Variants in SLC17A7 observed in about 807,000 individuals in gnomAD.
SLC17A7 encodes vesicular glutamate transporter 1.
A neutral mutation model predicts 59.1 loss-of-function variants in SLC17A7; 15 were observed. The ratio of observed to expected loss-of-function variants is 0.25; its 90% CI spans 0.17 to 0.39. SLC17A7 has a LOEUF of 0.39. Among genes scored for constraint, SLC17A7 ranks in the 10% least tolerant of loss-of-function variants. SLC17A7 has a pLI of 1.00. For synonymous variants in SLC17A7, 353 were observed against 308.9 expected (o/e 1.14, Z -1.50); for missense variants, 499 against 765.1 (o/e 0.65, Z 4.10).
At position 49,432,643 on chromosome 19, in the gene SLC17A7, C is replaced by A. The variant is rs372417324; in HGVS notation, c.1026G>T (p.Leu342=). ...TGACCAGGTGGGGCAGCGCGGACAC[C>A]AGGCCTACCTGCGGGAACAGGTGTA... is the stretch of plus-strand genomic sequence containing the variant. The part of the protein sequence containing the change: ...VFGFEISKVG[L]VSALPHLVMT... Residue 342 remains leucine, a synonymous_variant, in exon 9 of 12, where the codon CTG becomes CTT. Coordinates refer to ENST00000221485, the MANE Select transcript of SLC17A7 (RefSeq NM_020309.4). The A allele has an allele frequency of 6.2e-7, 1 of 1,607,204 alleles. No homozygotes were observed. The highest frequency in any genetic ancestry group is 8.5e-7 in the Non-Finnish European group (1 of 1,178,540).
At position 49,431,296 on chromosome 19, in the gene SLC17A7, A is replaced by G. The variant is rs1247919835; in HGVS notation, c.1261+42T>C. On this transcript the variant is annotated intron_variant, in intron 10 of 11. Coordinates refer to ENST00000221485, the MANE Select transcript of SLC17A7 (RefSeq NM_020309.4). The surrounding 1 kb of genome is among the most constrained non-coding windows in gnomAD (Gnocchi z 4.6). ...TCCTGAGCCAGGAAGTTCCCTACAG[A>G]GCTGACCAGAGTCCCCCAAGCTGCG... is the stretch of plus-strand genomic sequence containing the variant. 6.2e-7 allele frequency: 1 copy of G among 1,607,044 alleles called. No individual in the cohort carries two copies. Among genetic ancestry groups the G allele is most frequent in the Admixed American group, 1.7e-5 (1 of 59,720 alleles).
At position 49,429,817 on chromosome 19, in the gene SLC17A7, C is replaced by T; in HGVS notation, c.*702G>A. ...TGAAAACCATGTCAGAAAAAGTGCA[C>T]GGGGGTAGAGAGGCATATTGTTAAA... On this transcript the variant is annotated 3_prime_UTR_variant, in exon 12 of 12. Coordinates refer to ENST00000221485, the MANE Select transcript of SLC17A7 (RefSeq NM_020309.4). 1 of 374,708 alleles carries T rather than the reference C, an allele frequency of 2.7e-6. No homozygotes were observed. The highest frequency in any genetic ancestry group is 4.7e-6 in the Non-Finnish European group (1 of 211,112). 23.2% of individuals were successfully genotyped at this position (374,708 alleles called of 1,614,324 possible). A position where few individuals can be genotyped will look rare whatever the true frequency, so the allele number is the denominator to read the frequency against.
At chr19:49,437,539 C>A (rs2078984280) in intron 1 of SLC17A7, 1 of 153,198 alleles carries the variant, frequency 6.5e-6, no homozygotes, top group Non-Finnish European at 1.4e-5. Flanking sequence ...GAGGTGCCTT[C>A]AGACAGGTGG....
intron 1 of SLC17A7, among the ~76,000 whole-genome samples, chr19:49,439,813 G>C (rs962837751): frequency 1.3e-5 from 2 of 152,204 alleles, no homozygotes; most frequent in African/African-American, 4.8e-5. Flanking sequence ...GAGAGCCAGA[G>C]AGATTGACTG....
In SLC17A7 at chr19:49,429,480, C is replaced by G. The variant is rs1452092599; in HGVS notation, c.*1039G>C. On this transcript the variant is annotated 3_prime_UTR_variant, in exon 12 of 12. Transcript: ENST00000221485. ...AGAGACAGAGACACAAAGACACAAC[C>G]CTGCACTGGGAAAAAACACCCCTGG... The G allele has an allele frequency of 2.5e-6, 1 of 399,064 alleles. No individual in the cohort carries two copies. The highest frequency in any genetic ancestry group is 4.4e-6 in the Non-Finnish European group (1 of 226,106). The allele number at this position is 399,064 out of a possible 1,614,324, so 24.7% of individuals were successfully genotyped here. A position where few individuals can be genotyped will look rare whatever the true frequency, so the allele number is the denominator to read the frequency against.
At position 49,441,496 on chromosome 19, in the gene SLC17A7, C is replaced by A; in HGVS notation, c.-117G>T. ...TCCAGCCCCGGCCCGGCCGGCCCCG[C>A]AGCTCCGCTCGGGGGGAAGGAGGCT... is the stretch of plus-strand genomic sequence containing the variant. On this transcript the variant is annotated 5_prime_UTR_variant, in exon 1 of 12. Transcript: ENST00000221485. 9.3e-7 allele frequency: 1 copy of A among 1,072,542 alleles called. No homozygotes were observed. The highest frequency in any genetic ancestry group is 1.1e-6 in the Non-Finnish European group (1 of 888,930). 66.4% of individuals were successfully genotyped at this position (1,072,542 alleles called of 1,614,324 possible).
rs1362138458 is a variant in SLC17A7, at chr19:49,430,576, C to T, written c.1626G>A (p.Gly542=). ...GGGGCTGAAATGTGCTGTGTGTGGC[C>T]CCATAGGAGGGCGGGGGTGCAGGGG... ...GAPPAPPPSY[G]ATHSTFQPPR... The change falls in exon 12 of 12, where the codon GGG becomes GGA. Residue 542 remains glycine, a synonymous_variant. Transcript: ENST00000221485. The T allele has an allele frequency of 3.7e-6, 6 of 1,610,638 alleles. No individual in the cohort carries two copies. The highest frequency in any genetic ancestry group is 1.6e-4 in the Middle Eastern group (1 of 6,070).
At chr19:49,434,229 T>C (rs1568634763) in intron 5 of SLC17A7, among the ~76,000 whole-genome samples, 183 bp from the exon 6 acceptor site, 4 of 124,854 alleles carry the variant, frequency 3.2e-5, no homozygotes, top group Admixed American at 1.6e-4. Flanking sequence ...CCCCAGCTCC[T>C]CCTCCCCCAG....
intron 3 of SLC17A7, 142 bp from the exon 4 acceptor site, chr19:49,435,024 G>A: frequency 3.0e-6 from 3 of 1,003,654 alleles, no homozygotes; most frequent in South Asian, 1.4e-5. Context: ...TTCCTCAATC[G>A]CAAGCCCCAC....
intron 1 of SLC17A7, among the ~76,000 whole-genome samples, chr19:49,439,669 T>G (rs1179784253): frequency 6.6e-6 from 1 of 152,210 alleles, no homozygotes; most frequent in Non-Finnish European, 1.5e-5. Flanking sequence ...ATATGGGGTA[T>G]TCCCCTCTCC....
In SLC17A7 at chr19:49,436,875, G is replaced by C; in HGVS notation, c.63-74C>G. On this transcript the variant is annotated intron_variant, in intron 1 of 11. Transcript: ENST00000221485. The surrounding 1 kb of genome is among the most constrained non-coding windows in gnomAD (Gnocchi z 4.1). The stretch of plus-strand genomic sequence containing the variant: ...CCTCACCCCCAAGACCAGGATCCAG[G>C]GCAAAACCTGCTTTTCAACATCCAG... The C allele has an allele frequency of 6.7e-7, 1 of 1,500,206 alleles. No homozygotes were observed. Among genetic ancestry groups the C allele is most frequent in the Non-Finnish European group, 8.8e-7 (1 of 1,136,410 alleles). 92.9% of individuals were successfully genotyped at this position (1,500,206 alleles called of 1,614,324 possible). A position where few individuals can be genotyped will look rare whatever the true frequency, so the allele number is the denominator to read the frequency against.
chr19:49,441,229 C>T, intron 1 of SLC17A7, 89 bp downstream of exon 1: 1 of 1,544,226 alleles, frequency 6.5e-7, no homozygotes, highest in Non-Finnish European at 8.7e-7. Context: ...CGGGGTATCG[C>T]CCGTTCATCT....
rs183321431 is a variant in SLC17A7, at chr19:49,430,201, C to T, written c.*318G>A. On this transcript the variant is annotated 3_prime_UTR_variant, in exon 12 of 12. Transcript: ENST00000221485. ...GCGGGGGGTGTGGGTGCCTCAAAAC[C>T]ACAAGAGAGAGTAAGAGGTCGAACT... is the stretch of plus-strand genomic sequence containing the variant. 9.3e-6 allele frequency: 2 copies of T among 215,348 alleles called. No homozygotes were observed. The highest frequency in any genetic ancestry group is 4.6e-5 in the African/African-American group (2 of 43,422). The allele number at this position is 215,348 out of a possible 1,614,324, so 13.3% of individuals were successfully genotyped here. A position where few individuals can be genotyped will look rare whatever the true frequency, so the allele number is the denominator to read the frequency against.
chr19:49,432,565 G>A lies in SLC17A7; in HGVS notation c.1104C>T (p.Arg368=). 1.2e-6 allele frequency: 2 copies of A among 1,610,776 alleles called. No individual in the cohort carries two copies. Among genetic ancestry groups the A allele is most frequent in the Non-Finnish European group, 1.7e-6 (2 of 1,179,064 alleles). ...GCACGTTGGTGGTGGACATGATGCG[G>A]CGGCTCCGCAGGAAGTCCGCGATCT... is the stretch of plus-strand genomic sequence containing the variant. ...GGQIADFLRS[R]RIMSTTNVRK... The change falls in exon 9 of 12, where the codon CGC becomes CGT. Residue 368 remains arginine (R), a synonymous_variant. Coordinates refer to ENST00000221485, the MANE Select transcript of SLC17A7 (RefSeq NM_020309.4).
At position 49,441,427 on chromosome 19, in the gene SLC17A7, C is replaced by A. The variant is rs2078999637; in HGVS notation, c.-48G>T. Reference sequence around the variant, plus strand: ...CACCCCGCGGGTCCCCCCCGCCGATCCCCCCGCCCGCGGGCCCGGGCGGCC... The same window carrying A: ...CACCCCGCGGGTCCCCCCCGCCGATACCCCCGCCCGCGGGCCCGGGCGGCC... On this transcript the variant is annotated 5_prime_UTR_variant, in exon 1 of 12. Coordinates refer to ENST00000221485, the MANE Select transcript of SLC17A7 (RefSeq NM_020309.4). The A allele has an allele frequency of 3.6e-6, 5 of 1,407,968 alleles. No homozygotes were observed. The highest frequency in any genetic ancestry group is 3.3e-5 in the East Asian group (1 of 30,272). 87.2% of individuals were successfully genotyped at this position (1,407,968 alleles called of 1,614,324 possible).
rs2078964748 is a variant in SLC17A7, at chr19:49,432,562, G to A, written c.1107C>T (p.Arg369=). Residue 369 remains arginine (R), a synonymous_variant, in exon 9 of 12, where the codon CGC becomes CGT. Coordinates refer to ENST00000221485, the MANE Select transcript of SLC17A7 (RefSeq NM_020309.4). ...TGCGCACGTTGGTGGTGGACATGATGCGGCGGCTCCGCAGGAAGTCCGCGA... is the reference window on the plus strand; with the variant it reads ...TGCGCACGTTGGTGGTGGACATGATACGGCGGCTCCGCAGGAAGTCCGCGA... ...GQIADFLRSR[R]IMSTTNVRKL... 6.2e-7 allele frequency: 1 copy of A among 1,611,618 alleles called. No individual in the cohort carries two copies.
chr19:49,430,527 C>T lies in SLC17A7; in HGVS notation c.1675G>A (p.Asp559Asn). 6.4e-7 allele frequency: 1 copy of T among 1,574,714 alleles called. No individual in the cohort carries two copies. The highest frequency in any genetic ancestry group is 8.6e-7 in the Non-Finnish European group (1 of 1,159,618). The stretch of plus-strand genomic sequence containing the variant: ...CAGTGGGAGGCACATGGTCAGTAGT[C>T]CCGGACAGGGGGTGGGGGCCTGGGG... Reference protein sequence around the residue: ...QPPRPPPPVRDY With the variant: ...QPPRPPPPVRNY The change falls in exon 12 of 12, where the codon GAC becomes AAC. Residue 559 changes from aspartate (D) to asparagine (N), a missense_variant. Physicochemically the swap from Asp to Asn is conservative, Grantham distance 23. Around this residue, in one of 3 missense-constraint regions of SLC17A7, gnomAD observed 98 missense variants for 77.5 expected, o/e 1.27. Transcript: ENST00000221485.
intron 1 of SLC17A7, among the ~76,000 whole-genome samples, chr19:49,438,737 C>A (rs577291325): frequency 6.6e-6 from 1 of 152,202 alleles, no homozygotes; most frequent in African/African-American, 2.4e-5. Context: ...CCCATCAGAA[C>A]CCATCACCCA....
chr19:49,433,900 G>A lies in SLC17A7; in HGVS notation c.725-32C>T, dbSNP rs1347484030. The A allele has an allele frequency of 1.4e-5, 23 of 1,612,702 alleles. No individual in the cohort carries two copies. Among genetic ancestry groups the A allele is most frequent in the Non-Finnish European group, 2.0e-5 (23 of 1,179,372 alleles). On this transcript the variant is annotated intron_variant, in intron 6 of 11. Coordinates refer to ENST00000221485, the MANE Select transcript of SLC17A7 (RefSeq NM_020309.4). This position sits in a 1 kb window ranked among gnomAD's most constrained non-coding sequence, Gnocchi z 5.7. ...GGGTCAGGAGGGGGATGGGAGCGAG[G>A]TGAGGACCGGCCCCGCTCCGCCCCA...
Sources: allele counts gnomAD v4.1 joint callset (sites outside exome capture counted in the v4.1 genomes callset), GRCh38; gene constraint gnomAD v4.1.1; regional missense constraint gnomAD v4.1.1; non-coding constraint Gnocchi (gnomAD v3.1); transcripts MANE v1.5; gene names NCBI Gene and HGNC (gene_info 2026-07-23, HGNC 2026-07-21).